The following TJP2 variants were observed in gnomAD, a reference collection of about 807,000 sequenced individuals.
TJP2 encodes tight junction protein 2, also known as Friedreich ataxia region gene X104 (tight junction protein ZO-2).
TJP2 carries 91 observed loss-of-function variants against 133.1 expected under a neutral mutation model. That is an observed-to-expected ratio of 0.68 (90% CI 0.58 to 0.81). The LOEUF (loss-of-function observed/expected upper bound fraction) is 0.81, where lower values mean the gene tolerates loss of function less well. Ranked by LOEUF, TJP2 falls within the 40% of genes least tolerant of loss-of-function variation. The pLI is 0.00. For missense variants in TJP2, 1,541 were observed against 1,565.6 expected, an observed-to-expected ratio of 0.98 and a Z score of 0.26; for synonymous variants, 592 against 583.4, an observed-to-expected ratio of 1.01 and a Z score of -0.21.
At chr9:69,189,278 C>A (rs1157809903) in intron 1 of TJP2, among the ~76,000 whole-genome samples, 2 of 152,130 alleles carry the variant, frequency 1.3e-5, no homozygotes, top group Admixed American at 1.3e-4. Context: ...GTGGAAAGAC[C>A]TAGGAAGTCT....
At chr9:69,203,642 C>T (rs1827174937) in intron 1 of TJP2, among the ~76,000 whole-genome samples, 1 of 81,544 alleles carries the variant, frequency 1.2e-5, no homozygotes, top group South Asian at 4.2e-4. Context: ...GAGACAGGGT[C>T]TCGCTCTATG....
chr9:69,196,946 T>TACACACACACACACACAC (rs746386691), intron 1 of TJP2, among the ~76,000 whole-genome samples: 2,327 of 134,146 alleles, frequency 0.017, 37 homozygotes, highest in East Asian at 0.039. Flanking sequence ...TGTGTGTGTG[T>TACACACACACACACACAC]ACACACACAC....
intron 1 of TJP2, among the ~76,000 whole-genome samples, chr9:69,175,725 G>A (rs998780560): frequency 2.6e-5 from 4 of 152,186 alleles, no homozygotes; most frequent in Admixed American, 1.3e-4. Context: ...ACAGGGTACT[G>A]GAGCTTCCTC....
intron 1 of TJP2, among the ~76,000 whole-genome samples, chr9:69,205,799 A>T (rs1827353032): frequency 1.3e-5 from 2 of 152,166 alleles, no homozygotes; most frequent in African/African-American, 4.8e-5. Context: ...GACCTCCATC[A>T]CTGGGCAGCA....
At chr9:69,140,840 G>GT (rs1273746060) in intron 1 of TJP2, among the ~76,000 whole-genome samples, 1 of 152,118 alleles carries the variant, frequency 6.6e-6, no homozygotes, top group African/African-American at 2.4e-5. Context: ...GGAGTTCAAA[G>GT]TTTTTTATTT....
At chr9:69,231,579 AG>A (rs1446219229) in intron 11 of TJP2, among the ~76,000 whole-genome samples, 1 of 152,168 alleles carries the variant, frequency 6.6e-6, no homozygotes, top group East Asian at 1.9e-4. Flanking sequence ...CAAGGAAGCA[AG>A]CAGCAGCAAA....
chr9:69,208,987 T>G (rs1827647436), intron 1 of TJP2, among the ~76,000 whole-genome samples: 1 of 152,168 alleles, frequency 6.6e-6, no homozygotes, highest in African/African-American at 2.4e-5. Context: ...GGCATGCTCA[T>G]AAGGTCATTT....
At chr9:69,224,950 T>C (rs1011017224) in intron 5 of TJP2, among the ~76,000 whole-genome samples, 5 of 152,166 alleles carry the variant, frequency 3.3e-5, no homozygotes, top group African/African-American at 1.2e-4. Context: ...CGTAATACCA[T>C]TATAACACTT....
At position 69,254,822 on chromosome 9, in the gene TJP2, T is replaced by G. The variant is rs1831587817; in HGVS notation, c.*448T>G. 2.2e-6 allele frequency: 1 copy of G among 464,512 alleles called. No individual in the cohort carries two copies. Among genetic ancestry groups the G allele is most frequent in the African/African-American group, 2.0e-5 (1 of 51,046 alleles). 28.8% of individuals were successfully genotyped at this position (464,512 alleles called of 1,614,324 possible). ...TCAAAGAAGTACTTTATTGCAACTC[T>G]TTTAAGTGCCTTGGATGAGAAGTGT... is the stretch of plus-strand genomic sequence containing the variant. On this transcript the variant is annotated 3_prime_UTR_variant, in exon 23 of 23. Transcript: ENST00000377245.
intron 1 of TJP2, among the ~76,000 whole-genome samples, chr9:69,206,866 C>T (rs1387269011): frequency 6.6e-6 from 1 of 152,106 alleles, no homozygotes; most frequent in South Asian, 2.1e-4. Context: ...CGCGAGCCAT[C>T]GCGCCCGGCC....
chr9:69,225,421 G>C lies in TJP2; in HGVS notation c.1056+14G>C. ...ATAATTCTCAAGGTGGGTAGATGGG[G>C]GCAGAGAACGGTAGTGTGCATACTG... On this transcript the variant is annotated intron_variant, in intron 6 of 22. Coordinates refer to ENST00000377245, the MANE Select transcript of TJP2 (RefSeq NM_004817.4). 1 of 1,558,026 alleles carries C rather than the reference G, an allele frequency of 6.4e-7. No individual in the cohort carries two copies. Among genetic ancestry groups the C allele is most frequent in the Non-Finnish European group, 8.9e-7 (1 of 1,129,790 alleles).
chr9:69,210,296 C>G (rs1420184381), intron 1 of TJP2, among the ~76,000 whole-genome samples: 1 of 52,810 alleles, frequency 1.9e-5, no homozygotes, highest in African/African-American at 6.3e-5. Flanking sequence ...CCCCCCCCCC[C>G]CCCAAAAAAA....
intron 1 of TJP2, among the ~76,000 whole-genome samples, chr9:69,130,376 A>C (rs1301147242): frequency 2.0e-5 from 3 of 152,170 alleles, no homozygotes; most frequent in Non-Finnish European, 4.4e-5. Flanking sequence ...GGGATAGGTG[A>C]GTGGAAGTGT....
chr9:69,235,333 A>T (rs145858605), intron 12 of TJP2, among the ~76,000 whole-genome samples: 9 of 148,962 alleles, frequency 6.0e-5, no homozygotes, highest in African/African-American at 2.2e-4. Flanking sequence ...ATTTATTATT[A>T]TTTTTTTGAG....
Position 69,248,242 on chromosome 9 carries a change from A to C in TJP2, c.2880+18A>C. ...ACGAGGAGGTGAGGCGAGGCAGGCC[A>C]CGGGCAGGAACAGGAGAGCCTGGTG... is the stretch of plus-strand genomic sequence containing the variant. On this transcript the variant is annotated intron_variant, in intron 19 of 22. Transcript: ENST00000377245. 3 of 1,570,408 alleles carry C rather than the reference A, an allele frequency of 1.9e-6. No homozygotes were observed. The highest frequency in any genetic ancestry group is 2.6e-6 in the Non-Finnish European group (3 of 1,156,010).
chr9:69,250,050 C>CT (rs1416930930), intron 20 of TJP2, among the ~76,000 whole-genome samples: 3 of 152,162 alleles, frequency 2.0e-5, no homozygotes, highest in Non-Finnish European at 2.9e-5. Context: ...AGCTGTGACT[C>CT]TATGTTTTTC....
intron 12 of TJP2, among the ~76,000 whole-genome samples, chr9:69,235,324 T>TTA (rs1554665076): frequency 3.5e-5 from 2 of 57,374 alleles, no homozygotes; most frequent in Non-Finnish European, 7.5e-5. Context: ...TATTTATTTA[T>TTA]TTATTATTAT....
intron 1 of TJP2, among the ~76,000 whole-genome samples, chr9:69,207,513 A>T (rs771486793): frequency 5.9e-5 from 9 of 152,010 alleles, no homozygotes; most frequent in Non-Finnish European, 1.0e-4. Flanking sequence ...TGCTGTGAAT[A>T]CTCTATACAT....
Position 69,237,154 on chromosome 9 carries a change from G to A in TJP2, c.2179+18G>A. The A allele has an allele frequency of 6.2e-7, 1 of 1,613,840 alleles. No individual in the cohort carries two copies. The highest frequency in any genetic ancestry group is 2.2e-5 in the East Asian group (1 of 44,874). On this transcript the variant is annotated intron_variant, in intron 14 of 22. Coordinates refer to ENST00000377245, the MANE Select transcript of TJP2 (RefSeq NM_004817.4). ...GCGAGAAGGTGAGGAAGTCACATGG[G>A]GCCTGGAAATGAACTGACTGGGCTC... is the stretch of plus-strand genomic sequence containing the variant.
Sources: allele counts gnomAD v4.1 joint callset (sites outside exome capture counted in the v4.1 genomes callset), GRCh38; gene constraint gnomAD v4.1.1; transcripts MANE v1.5; gene names NCBI Gene and HGNC (gene_info 2026-07-23, HGNC 2026-07-21).